The following SPRED1 variants were observed in gnomAD, a reference collection of about 807,000 sequenced individuals.
SPRED1 encodes the protein sprouty related EVH1 domain containing 1.
SPRED1 carries 18 observed loss-of-function variants against 52.3 expected under a neutral mutation model. That is an observed-to-expected ratio of 0.34 (90% CI 0.24 to 0.51). SPRED1 has a LOEUF of 0.51. Among genes scored for constraint, SPRED1 ranks in the 20% least tolerant of loss-of-function variants. SPRED1 has a pLI of 0.97. For synonymous variants in SPRED1, 155 were observed against 179.7 expected, an observed-to-expected ratio of 0.86 and a Z score of 1.10; for missense variants, 485 against 551.0, an observed-to-expected ratio of 0.88 and a Z score of 1.20.
At chr15:38,291,066 C>T (rs973600001) in intron 1 of SPRED1, among the ~76,000 whole-genome samples, 22 of 152,286 alleles carry the variant, frequency 1.4e-4, no homozygotes, top group African/African-American at 5.1e-4. Flanking sequence ...AAGCTAGTTA[C>T]TTCCTAGATA....
chr15:38,282,339 A>G (rs1379598593), intron 1 of SPRED1, among the ~76,000 whole-genome samples: 2 of 141,092 alleles, frequency 1.4e-5, no homozygotes, highest in African/African-American at 5.3e-5. Flanking sequence ...ACACACACAC[A>G]CACATGCACA....
At chr15:38,264,108 A>G (rs999724752) in intron 1 of SPRED1, among the ~76,000 whole-genome samples, 1 of 152,244 alleles carries the variant, frequency 6.6e-6, no homozygotes, top group Non-Finnish European at 1.5e-5. Context: ...GGCCTAGGAC[A>G]GTCTATCAAA....
At chr15:38,298,890 T>A (rs947434210) in intron 1 of SPRED1, among the ~76,000 whole-genome samples, 3 of 152,224 alleles carry the variant, frequency 2.0e-5, no homozygotes, top group Non-Finnish European at 4.4e-5. Flanking sequence ...GTAGCTAAAC[T>A]AAGCATGTTT....
At chr15:38,342,208 T>G (rs1302220311) in intron 5 of SPRED1, among the ~76,000 whole-genome samples, 3 of 152,016 alleles carry the variant, frequency 2.0e-5, no homozygotes, top group Non-Finnish European at 4.4e-5. Flanking sequence ...TTGATTCTTA[T>G]CCCTTTATTA....
chr15:38,321,502 G>A (rs1190674497), intron 2 of SPRED1, among the ~76,000 whole-genome samples: 1 of 152,074 alleles, frequency 6.6e-6, no homozygotes, highest in Non-Finnish European at 1.5e-5. Context: ...TTGAAAAAGT[G>A]GCCAAGTGTA....
chr15:38,263,682 TAATG>T (rs1894247853), intron 1 of SPRED1, among the ~76,000 whole-genome samples: 1 of 152,076 alleles, frequency 6.6e-6, no homozygotes, highest in African/African-American at 2.4e-5. Flanking sequence ...GTGGGAGTAA[TAATG>T]GGGACAGAAG....
At chr15:38,318,072 A>C (rs1451837053) in intron 2 of SPRED1, among the ~76,000 whole-genome samples, 1 of 152,116 alleles carries the variant, frequency 6.6e-6, no homozygotes, top group Admixed American at 6.5e-5. Context: ...TAGGAGGCAT[A>C]TCCTAAAAAT....
chr15:38,288,278 A>G (rs1268202403), intron 1 of SPRED1, among the ~76,000 whole-genome samples: 3 of 152,168 alleles, frequency 2.0e-5, no homozygotes, highest in East Asian at 1.9e-4. Context: ...CTAAACTTTC[A>G]TAACATATGT....
chr15:38,335,036 A>T (rs1895884274), intron 4 of SPRED1, among the ~76,000 whole-genome samples: 1 of 152,038 alleles, frequency 6.6e-6, no homozygotes, highest in Admixed American at 6.6e-5. Flanking sequence ...AAATGGCATT[A>T]TACTTTCATG....
intron 1 of SPRED1, among the ~76,000 whole-genome samples, chr15:38,261,284 G>T (rs1894198929): frequency 6.6e-6 from 1 of 152,000 alleles, no homozygotes; most frequent in Non-Finnish European, 1.5e-5. Flanking sequence ...CTTAACTTTG[G>T]GATTTTAGTC....
rs556636985 is a variant in SPRED1, at chr15:38,322,323, A to G, written c.290A>G (p.Lys97Arg). 220 of 1,613,944 alleles carry G rather than the reference A, an allele frequency of 1.4e-4. 2 individuals are homozygous for G. The South Asian group carries it at 2.3e-3, about 17-fold the overall frequency. Residue 97 changes from lysine (K) to arginine (R), a missense_variant, in exon 3 of 7, where the codon AAG becomes AGG. Lys to Arg is a conservative substitution (Grantham distance 26). Coordinates refer to ENST00000299084, the MANE Select transcript of SPRED1 (RefSeq NM_152594.3). ...TTTCACCACTGGAAGATTGATGACAAGAAGTTTGGTCTTACGTTTCAAAGT... is the reference window on the plus strand; with the variant it reads ...TTTCACCACTGGAAGATTGATGACAGGAAGTTTGGTCTTACGTTTCAAAGT... The part of the protein sequence containing the change: ...PTFHHWKIDD[K>R]KFGLTFQSPA...
chr15:38,299,441 T>A lies in SPRED1; in HGVS notation c.101T>A (p.Leu34His). 1 of 1,613,998 alleles carries A rather than the reference T, an allele frequency of 6.2e-7. No individual in the cohort carries two copies. Among genetic ancestry groups the A allele is most frequent in the Non-Finnish European group, 8.5e-7 (1 of 1,179,936 alleles). The change falls in exon 2 of 7, where the codon CTT becomes CAT. Residue 34 changes from leucine to histidine, a missense_variant. Leu to His is a moderately conservative substitution (Grantham distance 99, BLOSUM62 -3). Transcript: ENST00000299084. ...RDDSSGGWLP[L>H]GGSGLSSVTV... is the part of the protein sequence containing the mutation. ...GACTCAAGTGGTGGATGGTTACCAC[T>A]TGGAGGGAGTGGACTAAGCAGCGTC...
chr15:38,255,465 C>G (rs143397621), intron 1 of SPRED1, among the ~76,000 whole-genome samples: 52 of 152,140 alleles, frequency 3.4e-4, no homozygotes, highest in African/African-American at 1.2e-3. Context: ...TTTTGGTAAA[C>G]TCTTCATGGG....
intron 1 of SPRED1, among the ~76,000 whole-genome samples, chr15:38,282,247 G>A (rs1005507896): frequency 2.0e-5 from 3 of 151,858 alleles, no homozygotes; most frequent in Non-Finnish European, 4.4e-5. Context: ...GGCTGAGGCC[G>A]GTGGATCACT....
At chr15:38,296,056 CT>C (rs781605971) in intron 1 of SPRED1, among the ~76,000 whole-genome samples, 21 of 152,098 alleles carry the variant, frequency 1.4e-4, no homozygotes, top group Non-Finnish European at 1.2e-4. Flanking sequence ...CTATCAAACA[CT>C]TTAAGTGTTT....
chr15:38,290,311 G>A (rs1724151687), intron 1 of SPRED1, among the ~76,000 whole-genome samples: 1 of 152,162 alleles, frequency 6.6e-6, no homozygotes, highest in Admixed American at 6.5e-5. Context: ...AGTACCAGAA[G>A]GCAGGGGACA....
At chr15:38,272,127 C>T (rs1894448406) in intron 1 of SPRED1, among the ~76,000 whole-genome samples, 2 of 152,042 alleles carry the variant, frequency 1.3e-5, no homozygotes, top group South Asian at 2.1e-4. Context: ...ATATATGTAC[C>T]ACATTTCTTT....
intron 2 of SPRED1, among the ~76,000 whole-genome samples, chr15:38,311,375 G>A (rs1476436221): frequency 6.6e-6 from 1 of 152,098 alleles, no homozygotes; most frequent in Admixed American, 6.6e-5. Context: ...ATAGTCTGTA[G>A]GTCGGTGGGG....
intron 4 of SPRED1, among the ~76,000 whole-genome samples, chr15:38,330,333 A>G (rs376854245): frequency 6.6e-6 from 1 of 152,164 alleles, no homozygotes; most frequent in East Asian, 1.9e-4. Context: ...AGAAAATGCT[A>G]TATGCTGTTA....
Sources: allele counts gnomAD v4.1 joint callset (sites outside exome capture counted in the v4.1 genomes callset), GRCh38; gene constraint gnomAD v4.1.1; transcripts MANE v1.5; gene names NCBI Gene and HGNC (gene_info 2026-07-23, HGNC 2026-07-21).